GALNT17: variants seen among roughly 807,000 people sequenced by gnomAD.
GALNT17 encodes the protein UDP-GalNAc:polypeptide N-acetylgalactosaminyltransferase-like 3.
In GALNT17, 29 loss-of-function variants were observed where a neutral mutation model predicts 63.7. The ratio of observed to expected loss-of-function variants is 0.46; its 90% CI spans 0.34 to 0.62. GALNT17 has a LOEUF of 0.62. Among genes scored for constraint, GALNT17 ranks in the 20% least tolerant of loss-of-function variants. The probability of loss-of-function intolerance (pLI) is 0.01; values close to 1 mark genes in which losing one functional copy is unlikely to be tolerated. For missense variants in GALNT17, 603 were observed against 799.6 expected (o/e 0.75, Z 2.97); for synonymous variants, 305 against 318.3 (o/e 0.96, Z 0.45).
At chr7:71,218,611 G>A (rs1282353642) in intron 1 of GALNT17, among the ~76,000 whole-genome samples, 2 of 152,224 alleles carry the variant, frequency 1.3e-5, no homozygotes, top group South Asian at 2.1e-4. Context: ...TGGCCTCACA[G>A]CAGGAGGTGA....
At chr7:71,602,503 A>G (rs1238031129) in intron 6 of GALNT17, among the ~76,000 whole-genome samples, 1 of 152,210 alleles carries the variant, frequency 6.6e-6, no homozygotes, top group Admixed American at 6.5e-5. Flanking sequence ...GGAGCATTTC[A>G]AATTAGGAAT....
intron 5 of GALNT17, among the ~76,000 whole-genome samples, chr7:71,566,367 T>A (rs1051378370): frequency 6.6e-6 from 1 of 152,182 alleles, no homozygotes; most frequent in East Asian, 1.9e-4. Context: ...AAGCAGAGTC[T>A]TAGAGCAGGG....
chr7:71,486,339 AT>A lies in GALNT17; in HGVS notation c.962+65235del, dbSNP rs1787908170. On this transcript the variant is annotated intron_variant, in intron 5 of 10. Coordinates refer to ENST00000333538, the MANE Select transcript of GALNT17 (RefSeq NM_022479.3). Reference sequence around the variant, plus strand: ...CAGGGCAAGAGCCTGTCTGAAAATAATAATAATAATAATAATAATAATAATA... The same window carrying A: ...CAGGGCAAGAGCCTGTCTGAAAATAAAATAATAATAATAATAATAATAATA... 3.4e-4 allele frequency among the ~76,000 whole-genome samples: 3 copies of A among 8,904 alleles called. No individual in the cohort carries two copies. The Admixed American group carries it at 4.4e-3, about 13-fold the overall frequency. The allele number at this position is 8,904 out of a possible 152,430, so 5.8% of individuals were successfully genotyped here.
chr7:71,321,914 C>T (rs866558266), intron 1 of GALNT17, among the ~76,000 whole-genome samples: 56 of 72,306 alleles, frequency 7.7e-4, no homozygotes, highest in African/African-American at 1.5e-3. Flanking sequence ...TTCCTTCCTT[C>T]CTTCCTTCCC....
chr7:71,436,607 TA>T (rs1450415887), intron 5 of GALNT17, among the ~76,000 whole-genome samples: 2 of 151,072 alleles, frequency 1.3e-5, no homozygotes, highest in African/African-American at 4.9e-5. Context: ...TAGTCCCAGC[TA>T]CTCAGGAGGC....
intron 5 of GALNT17, among the ~76,000 whole-genome samples, chr7:71,485,699 G>C (rs913349630): frequency 1.3e-5 from 2 of 152,192 alleles, no homozygotes; most frequent in African/African-American, 4.8e-5. Flanking sequence ...AGACAGCTAA[G>C]ACATGGTTTA....
At chr7:71,667,957 C>T (rs969904043) in intron 7 of GALNT17, among the ~76,000 whole-genome samples, 2 of 152,238 alleles carry the variant, frequency 1.3e-5, no homozygotes, top group Admixed American at 1.3e-4. Context: ...GCGCCCTCTA[C>T]CTGTCTAACT....
chr7:71,670,590 C>T lies in GALNT17; in HGVS notation c.1404+481C>T, dbSNP rs866864879. On this transcript the variant is annotated intron_variant, in intron 8 of 10. Coordinates refer to ENST00000333538, the MANE Select transcript of GALNT17 (RefSeq NM_022479.3). Reference sequence around the variant, plus strand: ...GCGATTTTTCTCTTATTACAAATACCATCAATATGCATTTGAGAACATTTT... The same window carrying T: ...GCGATTTTTCTCTTATTACAAATACTATCAATATGCATTTGAGAACATTTT... Among the ~76,000 whole-genome samples the T allele has an allele frequency of 1.3e-5, 2 of 152,224 alleles. 1 individual carries two copies. Among genetic ancestry groups the T allele is most frequent in the Middle Eastern group, 6.8e-3 (2 of 294 alleles).
At position 71,150,761 on chromosome 7, in the gene GALNT17, C is replaced by T. The variant is rs186621170; in HGVS notation, c.238+17721C>T. ...TCCTGACCTCGTGATCCGCCCACCTCGGCCTCCCAAAGTGCTGGGATTACA... is the reference window on the plus strand; with the variant it reads ...TCCTGACCTCGTGATCCGCCCACCTTGGCCTCCCAAAGTGCTGGGATTACA... On this transcript the variant is annotated intron_variant, in intron 1 of 10. Coordinates refer to ENST00000333538, the MANE Select transcript of GALNT17 (RefSeq NM_022479.3). Among the ~76,000 whole-genome samples, 459 of 151,932 alleles carry T rather than the reference C, an allele frequency of 3.0e-3. 8 individuals carry two copies. Among genetic ancestry groups the T allele is most frequent in the Non-Finnish European group, 6.8e-4 (46 of 67,960 alleles).
chr7:71,529,198 G>T (rs1788674882), intron 5 of GALNT17, among the ~76,000 whole-genome samples: 1 of 152,052 alleles, frequency 6.6e-6, no homozygotes, highest in Non-Finnish European at 1.5e-5. Context: ...AGGTCAGTAG[G>T]ATAGGAAATA....
intron 1 of GALNT17, among the ~76,000 whole-genome samples, chr7:71,190,204 T>G (rs1358110177): frequency 6.6e-6 from 1 of 152,220 alleles, no homozygotes; most frequent in Non-Finnish European, 1.5e-5. Context: ...CAAGATGGGC[T>G]TTGATATAGT....
intron 3 of GALNT17, among the ~76,000 whole-genome samples, chr7:71,397,365 T>C (rs1450193951): frequency 6.6e-6 from 1 of 152,126 alleles, no homozygotes; most frequent in Non-Finnish European, 1.5e-5. Context: ...CTGTATTTAC[T>C]GCTTCTGATC....
At chr7:71,688,618 A>G (rs1791397409) in intron 9 of GALNT17, among the ~76,000 whole-genome samples, 1 of 152,186 alleles carries the variant, frequency 6.6e-6, no homozygotes, top group African/African-American at 2.4e-5. Flanking sequence ...CTGCTGATGT[A>G]TCACCTAAGT....
At chr7:71,371,212 C>T (rs1489130889) in intron 2 of GALNT17, among the ~76,000 whole-genome samples, 1 of 152,080 alleles carries the variant, frequency 6.6e-6, no homozygotes, top group Non-Finnish European at 1.5e-5. Flanking sequence ...TTGCAGTTCC[C>T]TTTGATTTTG....
chr7:71,469,076 G>C lies in GALNT17; in HGVS notation c.962+47971G>C, dbSNP rs76695049. On this transcript the variant is annotated intron_variant, in intron 5 of 10. Coordinates refer to ENST00000333538, the MANE Select transcript of GALNT17 (RefSeq NM_022479.3). ...GTTGGGAGAAGGTGGTTGGAGTGGA[G>C]ATATGGTGTATATAGGAGTCCGGTA... Among the ~76,000 whole-genome samples the C allele has an allele frequency of 1.4e-3, 212 of 152,196 alleles. 9 individuals carry two copies. In the East Asian group the frequency reaches 0.031, roughly 22 times the overall value.
chr7:71,565,205 TGCAGTGA>T (rs1789321667), intron 5 of GALNT17, among the ~76,000 whole-genome samples: 1 of 151,906 alleles, frequency 6.6e-6, no homozygotes, highest in Non-Finnish European at 1.5e-5. Context: ...AGGCGGAGAC[TGCAGTGA>T]GCTGAGATGG....
rs113334237 is a variant in GALNT17, at chr7:71,711,989, C to A, written c.1669-29C>A. 1.3e-3 allele frequency: 2,119 copies of A among 1,611,448 alleles called. 31 individuals are homozygous for A. The African/African-American group carries it at 0.024, about 18-fold the overall frequency. The stretch of plus-strand genomic sequence containing the variant: ...TGTCTCTCTCTCCTCTCTCTCTTCT[C>A]CTCTCTTCTCGATTTTGCCCCCTCC... On this transcript the variant is annotated intron_variant, in intron 10 of 10. Coordinates refer to ENST00000333538, the MANE Select transcript of GALNT17 (RefSeq NM_022479.3).
chr7:71,422,475 C>T (rs1307958258), intron 5 of GALNT17, among the ~76,000 whole-genome samples: 1 of 152,186 alleles, frequency 6.6e-6, no homozygotes, highest in Non-Finnish European at 1.5e-5. Context: ...GTGAATGGTC[C>T]TTTATTTGGG....
chr7:71,360,535 G>C (rs1285039733), intron 2 of GALNT17, among the ~76,000 whole-genome samples: 2 of 152,206 alleles, frequency 1.3e-5, no homozygotes, highest in African/African-American at 2.4e-5. Flanking sequence ...TATAATTACA[G>C]ACACAAGAAA....
Sources: gnomAD v4.1 joint callset for allele counts (sites outside exome capture counted in the v4.1 genomes callset) on GRCh38, gnomAD v4.1.1 for gene constraint, MANE v1.5 for transcripts, NCBI Gene and HGNC (gene_info 2026-07-23, HGNC 2026-07-21) for gene names.